ATG10: variants seen among roughly 807,000 people sequenced by gnomAD.
ATG10 encodes the protein ubiquitin-like-conjugating enzyme ATG10.
Under a neutral mutation model 32.1 loss-of-function variants are expected in ATG10, and 30 were observed. That is an observed-to-expected ratio of 0.94 (90% CI 0.70 to 1.27). ATG10 has a LOEUF of 1.27. Among genes scored for constraint, ATG10 ranks in the 50% most tolerant of loss-of-function variants. ATG10 has a pLI of 0.00. For missense variants in ATG10, 233 were observed against 262.3 expected (o/e 0.89, Z 0.77); for synonymous variants, 87 against 91.5 (o/e 0.95, Z 0.28).
intron 2 of ATG10, among the ~76,000 whole-genome samples, chr5:82,046,237 A>C (rs1393304971): frequency 2.0e-5 from 3 of 152,180 alleles, no homozygotes; most frequent in Non-Finnish European, 4.4e-5. Context: ...GTCCACCTGG[A>C]ACCTGTGAAT....
At chr5:82,108,879 A>T (rs988532488) in intron 3 of ATG10, among the ~76,000 whole-genome samples, 6 of 136,684 alleles carry the variant, frequency 4.4e-5, no homozygotes, top group African/African-American at 1.5e-4. Flanking sequence ...GGGGAGTGGG[A>T]TGGGAAACAG....
At chr5:82,187,534 A>T (rs78243067) in intron 5 of ATG10, among the ~76,000 whole-genome samples, 1 of 151,604 alleles carries the variant, frequency 6.6e-6, no homozygotes, top group East Asian at 1.9e-4. Context: ...AAAAAAAAAA[A>T]AGCATATGAA....
rs373733070 is a variant in ATG10, at chr5:82,067,032, G to A, written c.216+8430G>A. On this transcript the variant is annotated intron_variant, in intron 3 of 7. Transcript: ENST00000282185. Reference sequence around the variant, plus strand: ...TGTGCATAGATGCAAATGGAAGCATGTGGAGTAGTCAGTATTTATTTATTG... The same window carrying A: ...TGTGCATAGATGCAAATGGAAGCATATGGAGTAGTCAGTATTTATTTATTG... 1.4e-4 allele frequency among the ~76,000 whole-genome samples: 21 copies of A among 152,298 alleles called. No individual in the cohort carries two copies. In the South Asian group the frequency reaches 4.1e-3, roughly 30 times the overall value.
At chr5:82,200,507 A>G (rs1745027965) in intron 5 of ATG10, among the ~76,000 whole-genome samples, 1 of 74,770 alleles carries the variant, frequency 1.3e-5, no homozygotes, top group South Asian at 4.5e-4. Context: ...ACAGGGTCTG[A>G]CTCTTTTGTC....
chr5:82,168,512 G>T (rs1743671001), intron 4 of ATG10, among the ~76,000 whole-genome samples: 1 of 152,114 alleles, frequency 6.6e-6, no homozygotes, highest in Non-Finnish European at 1.5e-5. Context: ...AGTCAGCAGG[G>T]CTGCATTTGA....
chr5:82,164,270 T>A (rs1225985170), intron 3 of ATG10, 129 bp from the exon 4 acceptor site: 1 of 916,610 alleles, frequency 1.1e-6, no homozygotes, highest in Non-Finnish European at 1.7e-6. Context: ...AAACTCCCTT[T>A]TCCTTGCCTC....
chr5:82,141,624 T>A (rs545915976), intron 3 of ATG10, among the ~76,000 whole-genome samples: 1 of 152,110 alleles, frequency 6.6e-6, no homozygotes, highest in East Asian at 1.9e-4. Context: ...TGCCCAGAGA[T>A]GCCAACAAAT....
intron 3 of ATG10, among the ~76,000 whole-genome samples, chr5:82,138,485 T>C (rs1299449203): frequency 2.0e-5 from 3 of 152,052 alleles, no homozygotes; most frequent in African/African-American, 7.2e-5. Context: ...GGGAGTGAGT[T>C]CCCCAACCCC....
chr5:82,087,065 T>C (rs950399758), intron 3 of ATG10, among the ~76,000 whole-genome samples: 1 of 152,168 alleles, frequency 6.6e-6, no homozygotes, highest in Non-Finnish European at 1.5e-5. Context: ...CAGGATATTG[T>C]CCAAGTCATT....
chr5:82,248,086 T>C (rs1160574820), intron 5 of ATG10, among the ~76,000 whole-genome samples: 3 of 152,198 alleles, frequency 2.0e-5, no homozygotes, highest in Admixed American at 6.5e-5. Context: ...GTAGTATTCA[T>C]ATTGGCCTTA....
chr5:82,092,752 C>T lies in ATG10; in HGVS notation c.216+34150C>T, dbSNP rs1436359280. Among the ~76,000 whole-genome samples, 3 of 152,130 alleles carry T rather than the reference C, an allele frequency of 2.0e-5. No individual in the cohort carries two copies. In the South Asian group the frequency reaches 6.2e-4, roughly 32 times the overall value. ...CTTATTGGTCAAAAGAAGCTGCAAG[C>T]TCAGCCAGATATTAGGGTGTGAATA... On this transcript the variant is annotated intron_variant, in intron 3 of 7. Coordinates refer to ENST00000282185, the MANE Select transcript of ATG10 (RefSeq NM_031482.5).
chr5:82,248,847 T>G (rs1747134651), intron 5 of ATG10, among the ~76,000 whole-genome samples: 1 of 151,846 alleles, frequency 6.6e-6, no homozygotes, highest in Non-Finnish European at 1.5e-5. Flanking sequence ...ATCCAATTTA[T>G]TAATAAATTT....
At chr5:82,039,360 A>G (rs2149725390) in intron 2 of ATG10, among the ~76,000 whole-genome samples, 1 of 152,206 alleles carries the variant, frequency 6.6e-6, no homozygotes, top group East Asian at 1.9e-4. Flanking sequence ...TATTGATAAG[A>G]TTTTTTTTCT....
At chr5:82,239,530 G>A (rs1174554130) in intron 5 of ATG10, among the ~76,000 whole-genome samples, 4 of 152,160 alleles carry the variant, frequency 2.6e-5, no homozygotes, top group Admixed American at 2.6e-4. Context: ...ATAGATGGAG[G>A]AGACCTGATT....
chr5:82,137,984 C>G (rs1057468908), intron 3 of ATG10, among the ~76,000 whole-genome samples: 5 of 152,144 alleles, frequency 3.3e-5, no homozygotes, highest in Admixed American at 2.0e-4. Context: ...CTGTGGTGGG[C>G]TTCACCCAAT....
chr5:82,058,418 T>C lies in ATG10; in HGVS notation c.109-77T>C, dbSNP rs1272848053. ...TTTTCACTGATCAGTTTGGAACTTA[T>C]GGGAAGTGGTTCTTAAAATGATGAA... On this transcript the variant is annotated intron_variant, in intron 2 of 7. Transcript: ENST00000282185. 1.9e-5 allele frequency: 20 copies of C among 1,052,758 alleles called. No homozygotes were observed. In the East Asian group the frequency reaches 4.1e-4, roughly 22 times the overall value. 65.2% of individuals were successfully genotyped at this position (1,052,758 alleles called of 1,614,324 possible).
chr5:82,203,277 G>A (rs1323507799), intron 5 of ATG10, among the ~76,000 whole-genome samples: 3 of 151,882 alleles, frequency 2.0e-5, no homozygotes, highest in African/African-American at 4.8e-5. Flanking sequence ...CAGGTTGTCT[G>A]GCCAGAAGTG....
chr5:82,182,920 T>A (rs1561344539), intron 5 of ATG10, among the ~76,000 whole-genome samples: 2 of 152,098 alleles, frequency 1.3e-5, no homozygotes, highest in Admixed American at 6.6e-5. Context: ...ATTTTTATGT[T>A]TAAAGTAGAG....
At chr5:81,992,131 A>AGAC (rs1474172474) in intron 2 of ATG10, 1 of 152,182 alleles carries the variant, frequency 6.6e-6, no homozygotes, top group African/African-American at 2.4e-5. Context: ...GCTGGGCCAC[A>AGAC]GACACATGCT....
Sources: allele counts gnomAD v4.1 joint callset (sites outside exome capture counted in the v4.1 genomes callset), GRCh38; gene constraint gnomAD v4.1.1; transcripts MANE v1.5; gene names NCBI Gene and HGNC (gene_info 2026-07-23, HGNC 2026-07-21).